FAM3D: variants seen among roughly 807,000 people sequenced by gnomAD.
The protein encoded by FAM3D is protein FAM3D.
Under a neutral mutation model 29.8 loss-of-function variants are expected in FAM3D, and 26 were observed. The observed-to-expected ratio is 0.87, with a 90% CI of 0.64 to 1.21. The LOEUF (loss-of-function observed/expected upper bound fraction) is 1.21. Among genes scored for constraint, FAM3D ranks in the 50% most tolerant of loss-of-function variants. FAM3D has a pLI of 0.00. For synonymous variants in FAM3D, 115 were observed against 102.3 expected, an observed-to-expected ratio of 1.12 and a Z score of -0.75; for missense variants, 253 against 290.9, an observed-to-expected ratio of 0.87 and a Z score of 0.95.
At chr3:58,662,315 C>A (rs1049167951) in intron 1 of FAM3D, among the ~76,000 whole-genome samples, 2 of 152,212 alleles carry the variant, frequency 1.3e-5, no homozygotes, top group African/African-American at 4.8e-5. Context: ...AATTAACCAA[C>A]GTGGTGGCCT....
chr3:58,653,543 C>A (rs1388733509), intron 3 of FAM3D, 131 bp downstream of exon 3: 6 of 863,428 alleles, frequency 6.9e-6, no homozygotes, highest in African/African-American at 3.3e-5. Context: ...CCTCTCCCTG[C>A]AATTGCTGGG....
Position 58,649,500 on chromosome 3 carries a change from A to G in FAM3D, c.122-162T>C, listed in dbSNP as rs2066570301. 5.6e-6 allele frequency: 4 copies of G among 717,636 alleles called. No homozygotes were observed. In the East Asian group the frequency reaches 1.1e-4, roughly 19 times the overall value. 44.5% of individuals were successfully genotyped at this position (717,636 alleles called of 1,614,324 possible). A position where few individuals can be genotyped will look rare whatever the true frequency, so the allele number is the denominator to read the frequency against. On this transcript the variant is annotated intron_variant, in intron 3 of 9. Transcript: ENST00000358781. ...GCCACTGTCACCCCTTCACACACATACATACACACACAGCACACATATACA... is the reference window on the plus strand; with the variant it reads ...GCCACTGTCACCCCTTCACACACATGCATACACACACAGCACACATATACA...
intron 3 of FAM3D, among the ~76,000 whole-genome samples, chr3:58,651,683 A>G (rs1195328421): frequency 6.6e-6 from 1 of 152,004 alleles, no homozygotes; most frequent in Non-Finnish European, 1.5e-5. Context: ...TCTCTTTTCA[A>G]TTACTGCCCC....
At chr3:58,663,191 G>A (rs1314461171) in intron 1 of FAM3D, among the ~76,000 whole-genome samples, 3 of 152,262 alleles carry the variant, frequency 2.0e-5, no homozygotes, top group Non-Finnish European at 4.4e-5. Flanking sequence ...GGGCCACCAT[G>A]CCTGGTCTCC....
intron 4 of FAM3D, among the ~76,000 whole-genome samples, chr3:58,646,123 C>T (rs754007413): frequency 6.6e-6 from 1 of 152,226 alleles, no homozygotes; most frequent in Non-Finnish European, 1.5e-5. Context: ...TCTGTGGTGC[C>T]TCCCCCACTG....
At chr3:58,656,880 C>T (rs377633378) in intron 1 of FAM3D, among the ~76,000 whole-genome samples, 2 of 152,138 alleles carry the variant, frequency 1.3e-5, no homozygotes, top group African/African-American at 2.4e-5. Flanking sequence ...GAGAGGTGCT[C>T]GGGCTGAACC....
At chr3:58,644,310 A>G (rs1469666750) in intron 5 of FAM3D, among the ~76,000 whole-genome samples, 2 of 152,026 alleles carry the variant, frequency 1.3e-5, no homozygotes, top group African/African-American at 4.8e-5. Flanking sequence ...TGTGGGAGGG[A>G]CCCAGTGGGA....
chr3:58,643,376 A>T (rs991091801), intron 6 of FAM3D, among the ~76,000 whole-genome samples: 1 of 152,220 alleles, frequency 6.6e-6, no homozygotes, highest in Non-Finnish European at 1.5e-5. Context: ...TTAAGCAGAG[A>T]GGCTTTGAGG....
intron 3 of FAM3D, 163 bp from the exon 4 acceptor site, chr3:58,649,501 C>T (rs991245775): frequency 4.5e-5 from 32 of 717,664 alleles, no homozygotes; most frequent in Non-Finnish European, 6.8e-5. Flanking sequence ...CACACACATA[C>T]ATACACACAC....
At chr3:58,655,436 C>A in intron 2 of FAM3D, 115 bp downstream of exon 2, 1 of 1,387,486 alleles carries the variant, frequency 7.2e-7, no homozygotes, top group Non-Finnish European at 9.9e-7. Flanking sequence ...GATTGCTTTC[C>A]TCCTGGAATT....
chr3:58,662,200 TG>T (rs1316526698), intron 1 of FAM3D, among the ~76,000 whole-genome samples: 1 of 152,218 alleles, frequency 6.6e-6, no homozygotes, highest in East Asian at 1.9e-4. Flanking sequence ...GCTGGCCTAT[TG>T]GAATCACTTC....
At chr3:58,659,522 C>G (rs184871005) in intron 1 of FAM3D, among the ~76,000 whole-genome samples, 2 of 152,302 alleles carry the variant, frequency 1.3e-5, no homozygotes, top group African/African-American at 4.8e-5. Context: ...GACTATTTTC[C>G]CTGCTTAAAT....
intron 1 of FAM3D, among the ~76,000 whole-genome samples, chr3:58,656,636 G>T (rs917527489): frequency 1.3e-5 from 2 of 152,140 alleles, no homozygotes; most frequent in South Asian, 4.1e-4. Flanking sequence ...CCAGCTCCAA[G>T]GCAGCAGGTA....
chr3:58,646,199 T>G (rs758035975), intron 4 of FAM3D, among the ~76,000 whole-genome samples: 1 of 152,238 alleles, frequency 6.6e-6, no homozygotes, highest in Non-Finnish European at 1.5e-5. Context: ...CTTCTCATCA[T>G]TCATTCATTT....
At chr3:58,657,391 G>C (rs1045879898) in intron 1 of FAM3D, 25 of 152,096 alleles carry the variant, frequency 1.6e-4, no homozygotes, top group African/African-American at 5.8e-4. Flanking sequence ...GGAAGAGAGA[G>C]AGAGAGAGAG....
In FAM3D at chr3:58,642,642, G is replaced by A. The variant is rs138454245; in HGVS notation, c.322+1020C>T. Among the ~76,000 whole-genome samples the A allele has an allele frequency of 2.9e-3, 444 of 152,256 alleles. 2 individuals carry two copies. The highest frequency in any genetic ancestry group is 0.01 in the African/African-American group (418 of 41,546). On this transcript the variant is annotated intron_variant, in intron 6 of 9. Coordinates refer to ENST00000358781, the MANE Select transcript of FAM3D (RefSeq NM_138805.3). Reference sequence around the variant, plus strand: ...CTCCTGAAACGTGTCCCTACTTCAGGCTTGGCGGCCCTCTGGCCTCCTGTT... The same window carrying A: ...CTCCTGAAACGTGTCCCTACTTCAGACTTGGCGGCCCTCTGGCCTCCTGTT...
chr3:58,662,295 T>G (rs1366672269), intron 1 of FAM3D, among the ~76,000 whole-genome samples: 1 of 152,252 alleles, frequency 6.6e-6, no homozygotes, highest in Non-Finnish European at 1.5e-5. Context: ...AGCTGGGTCT[T>G]GACCTCTTTA....
intron 5 of FAM3D, among the ~76,000 whole-genome samples, chr3:58,644,553 C>T (rs1366735977): frequency 6.6e-6 from 1 of 152,198 alleles, no homozygotes; most frequent in Non-Finnish European, 1.5e-5. Flanking sequence ...ATTACCTAGT[C>T]TCGGGTATGT....
At position 58,634,911 on chromosome 3, in the gene FAM3D, C is replaced by T. The variant is rs2066119085; in HGVS notation, c.586-543G>A. 6.6e-6 allele frequency among the ~76,000 whole-genome samples: 1 copy of T among 152,096 alleles called. No homozygotes were observed. Among genetic ancestry groups the T allele is most frequent in the African/African-American group, 2.4e-5 (1 of 41,402 alleles). On this transcript the variant is annotated intron_variant, in intron 9 of 9. Transcript: ENST00000358781. This position sits in a 1 kb window ranked among gnomAD's most constrained non-coding sequence, Gnocchi z 4.6. ...TAATAAGGGGTGGGGTGCAGTGGCT[C>T]ACACCTATCATCCCAGCACTTTGGG...
Sources: allele counts gnomAD v4.1 joint callset (sites outside exome capture counted in the v4.1 genomes callset), GRCh38; gene constraint gnomAD v4.1.1; non-coding constraint Gnocchi (gnomAD v3.1); transcripts MANE v1.5; gene names NCBI Gene and HGNC (gene_info 2026-07-23, HGNC 2026-07-21).